PDZD2: variants seen among roughly 807,000 people sequenced by gnomAD.
PDZD2 encodes PDZ domain-containing protein 2.
In PDZD2, 90 loss-of-function variants were observed where a neutral mutation model predicts 220.7. The observed-to-expected ratio is 0.41, with a 90% CI of 0.34 to 0.49. The LOEUF (loss-of-function observed/expected upper bound fraction) is 0.49, where lower values mean the gene tolerates loss of function less well. PDZD2 is among the 20% of genes least tolerant of loss of function. The probability of loss-of-function intolerance (pLI) is 0.28; values close to 1 mark genes in which losing one functional copy is unlikely to be tolerated. For synonymous variants in PDZD2, 1,375 were observed against 1,450.5 expected (o/e 0.95, Z 1.18); for missense variants, 3,174 against 3,608.5 (o/e 0.88, Z 3.08).
intron 2 of PDZD2, among the ~76,000 whole-genome samples, chr5:31,963,434 A>G (rs2111715077): frequency 6.6e-6 from 1 of 152,346 alleles, no homozygotes; most frequent in South Asian, 2.1e-4. Context: ...AGGCCAGAAC[A>G]GGGTGGGTGC....
rs201141897 is a variant in PDZD2 at position 32,053,849 on chromosome 5, T to C, written c.1866T>C (p.Asn622=). The C allele has an allele frequency of 1.5e-5, 24 of 1,611,028 alleles. No homozygotes were observed. The East Asian group carries it at 2.0e-4, about 13-fold the overall frequency. The change falls in exon 10 of 25, where the codon AAT becomes AAC. Residue 622 remains asparagine (N), a synonymous_variant. Coordinates refer to ENST00000438447, the MANE Select transcript of PDZD2 (RefSeq NM_178140.4). ...TTTTTGTCAAGACCATCTTCCCAAA[T>C]GGATCAGCTGCAGAGGACGGAAGAC... ...MGIFVKTIFP[N]GSAAEDGRLK...
chr5:31,849,937 TATATATATATACATATATATATATACAC>T lies in PDZD2; in HGVS notation c.476+50225_476+50252del, dbSNP rs1757866033. 2.3e-4 allele frequency among the ~76,000 whole-genome samples: 5 copies of T among 21,278 alleles called. 1 individual carries two copies. The highest frequency in any genetic ancestry group is 3.9e-4 in the Non-Finnish European group (5 of 12,776). 14.0% of individuals were successfully genotyped at this position (21,278 alleles called of 152,430 possible). A position where few individuals can be genotyped will look rare whatever the true frequency, so the allele number is the denominator to read the frequency against. ...ATATATACATATATATATATACACA[TATATATATATACATATATATATATACAC>T]ATATATATATATACATATATATATA... On this transcript the variant is annotated intron_variant, in intron 2 of 24. Coordinates refer to ENST00000438447, the MANE Select transcript of PDZD2 (RefSeq NM_178140.4).
intron 2 of PDZD2, among the ~76,000 whole-genome samples, chr5:31,842,850 C>T (rs1435522734): frequency 2.0e-5 from 3 of 151,572 alleles, no homozygotes; most frequent in African/African-American, 7.3e-5. Flanking sequence ...GTTTTTTTAC[C>T]ACCCATGTTT....
chr5:32,086,631 G>A (rs1355642337), intron 19 of PDZD2, among the ~76,000 whole-genome samples: 1 of 152,040 alleles, frequency 6.6e-6, no homozygotes, highest in Non-Finnish European at 1.5e-5. Context: ...AGGAAGACAA[G>A]AAGGGCCTCC....
intron 1 of PDZD2, among the ~76,000 whole-genome samples, chr5:31,690,344 CA>C (rs1747067596): frequency 6.6e-6 from 1 of 152,008 alleles, no homozygotes; most frequent in South Asian, 2.1e-4. Flanking sequence ...TGTGCATGCT[CA>C]GGATGTGCTT....
rs1745157687 is a variant in PDZD2, at chr5:31,646,976, G to A, written c.-361+7539G>A. 6.6e-6 allele frequency among the ~76,000 whole-genome samples: 1 copy of A among 152,144 alleles called. No individual in the cohort carries two copies. Among genetic ancestry groups the A allele is most frequent in the African/African-American group, 2.4e-5 (1 of 41,416 alleles). Reference sequence around the variant, plus strand: ...GAAAGAATTGCATTAACTCCTCTCTGGACTTACTGCTCATCTTTAAAAACC... The same window carrying A: ...GAAAGAATTGCATTAACTCCTCTCTAGACTTACTGCTCATCTTTAAAAACC... On this transcript the variant is annotated intron_variant, in intron 1 of 24. Transcript: ENST00000438447. The surrounding 1 kb of genome is among the most constrained non-coding windows in gnomAD (Gnocchi z 4.7).
At chr5:32,075,673 G>A (rs758918157) in intron 18 of PDZD2, among the ~76,000 whole-genome samples, 1 of 152,064 alleles carries the variant, frequency 6.6e-6, no homozygotes, top group Non-Finnish European at 1.5e-5. Flanking sequence ...GAGACAGTAC[G>A]AGAAATCAAT....
At chr5:31,691,525 ATC>A in intron 1 of PDZD2, among the ~76,000 whole-genome samples, 1 of 149,294 alleles carries the variant, frequency 6.7e-6, no homozygotes, top group Non-Finnish European at 1.5e-5. Flanking sequence ...TTATTCTCTT[ATC>A]TGGCGCCACC....
chr5:32,034,345 G>C (rs1283610128), intron 6 of PDZD2, among the ~76,000 whole-genome samples: 1 of 151,046 alleles, frequency 6.6e-6, no homozygotes, highest in African/African-American at 2.4e-5. Flanking sequence ...TTATCAGAAG[G>C]AACCAGGAAT....
intron 7 of PDZD2, among the ~76,000 whole-genome samples, chr5:32,044,551 G>C (rs1433561004): frequency 3.3e-5 from 5 of 151,804 alleles, no homozygotes; most frequent in African/African-American, 1.2e-4. Context: ...ATGAATGAGA[G>C]ATGCTTAGGG....
At chr5:31,651,652 G>C (rs1745354026) in intron 1 of PDZD2, among the ~76,000 whole-genome samples, 1 of 144,764 alleles carries the variant, frequency 6.9e-6, no homozygotes, top group Non-Finnish European at 1.5e-5. Context: ...ATTTTTTTGA[G>C]ATAAGATCTC....
chr5:32,090,674 C>G lies in PDZD2; in HGVS notation c.7226C>G (p.Thr2409Ser). 1 of 1,614,130 alleles carries G rather than the reference C, an allele frequency of 6.2e-7. No homozygotes were observed. ...AGCGAAAACCAAAGCGAAGCCGGCA[C>G]CCTCCTGCCCCAGATGGCCAAGTCT... Reference protein sequence around the residue: ...SCSENQSEAGTLLPQMAKSPS... With the variant: ...SCSENQSEAGSLLPQMAKSPS... The change falls in exon 20 of 25, where the codon ACC becomes AGC. Residue 2409 changes from threonine (T) to serine (S), a missense_variant. Thr to Ser is a moderately conservative substitution (Grantham distance 58, BLOSUM62 1). This residue lies in a region of PDZD2 where 631 missense variants were observed against 789.9 expected (regional missense o/e 0.80). Coordinates refer to ENST00000438447, the MANE Select transcript of PDZD2 (RefSeq NM_178140.4). The surrounding 1 kb of genome is among the most constrained non-coding windows in gnomAD (Gnocchi z 4.3).
intron 1 of PDZD2, among the ~76,000 whole-genome samples, chr5:31,682,353 C>T (rs187429782): frequency 3.1e-4 from 47 of 152,196 alleles, no homozygotes; most frequent in Admixed American, 1.5e-3. Context: ...GCAAACTGTC[C>T]CCCGGGAGAA....
At chr5:32,071,448 C>G in intron 16 of PDZD2, 30 bp downstream of exon 16, 1 of 1,572,548 alleles carries the variant, frequency 6.4e-7, no homozygotes, top group South Asian at 1.1e-5. Context: ...TACCTGCCTC[C>G]CTCAGCTGGA....
chr5:31,984,222 G>A (rs1298351092), intron 3 of PDZD2, among the ~76,000 whole-genome samples: 1 of 152,204 alleles, frequency 6.6e-6, no homozygotes, highest in African/African-American at 2.4e-5. Context: ...TTGGAAGCTT[G>A]ACAACAATCT....
chr5:31,940,652 C>T (rs896803892), intron 2 of PDZD2, among the ~76,000 whole-genome samples: 10 of 152,154 alleles, frequency 6.6e-5, no homozygotes, highest in African/African-American at 2.4e-4. Context: ...CCACATACAC[C>T]CAGACCATCT....
At chr5:31,696,413 T>C (rs1420116097) in intron 1 of PDZD2, among the ~76,000 whole-genome samples, 3 of 152,172 alleles carry the variant, frequency 2.0e-5, no homozygotes, top group Non-Finnish European at 4.4e-5. Context: ...ATTCTCCTGC[T>C]TCAGCCTCTT....
chr5:31,758,921 A>G (rs1751458432), intron 1 of PDZD2, among the ~76,000 whole-genome samples: 1 of 152,070 alleles, frequency 6.6e-6, no homozygotes, highest in Non-Finnish European at 1.5e-5. Context: ...CCGCCTCCAC[A>G]TGCGTTCCCT....
chr5:31,925,761 C>CAAAAAA (rs70957983), intron 2 of PDZD2, among the ~76,000 whole-genome samples: 3 of 137,618 alleles, frequency 2.2e-5, no homozygotes, highest in African/African-American at 5.4e-5. Flanking sequence ...AGCCAACAAG[C>CAAAAAA]AAAAAAAAAA....
Sources: gnomAD v4.1 joint callset for allele counts (sites outside exome capture counted in the v4.1 genomes callset) on GRCh38, gnomAD v4.1.1 for gene constraint, gnomAD v4.1.1 regional missense constraint, Gnocchi (gnomAD v3.1) non-coding constraint, MANE v1.5 for transcripts, NCBI Gene and HGNC (gene_info 2026-07-23, HGNC 2026-07-21) for gene names.